LAMC1: variants seen among roughly 807,000 people sequenced by gnomAD.
The protein encoded by LAMC1 is laminin subunit gamma-1.
A neutral mutation model predicts 173.6 loss-of-function variants in LAMC1; 38 were observed. That is an observed-to-expected ratio of 0.22 (90% CI 0.17 to 0.29). The LOEUF is 0.29. Among genes scored for constraint, LAMC1 ranks in the 10% least tolerant of loss-of-function variants. The pLI, the probability that LAMC1 is intolerant of heterozygous loss-of-function variation, is 1.00. For synonymous variants in LAMC1, 746 were observed against 749.1 expected (o/e 1.00, Z 0.07); for missense variants, 1,824 against 2,051.8 (o/e 0.89, Z 2.14).
intron 1 of LAMC1, among the ~76,000 whole-genome samples, chr1:183,038,725 A>G (rs893523484): frequency 1.3e-5 from 2 of 152,152 alleles, no homozygotes; most frequent in Non-Finnish European, 2.9e-5. Context: ...TGCTGCCCAC[A>G]TGTTCTCAAA....
chr1:183,129,840 A>C (rs915962642), intron 18 of LAMC1, among the ~76,000 whole-genome samples: 1 of 152,170 alleles, frequency 6.6e-6, no homozygotes, highest in Admixed American at 6.5e-5. Flanking sequence ...ATGCTGGCAC[A>C]TGGGGGTGGC....
intron 11 of LAMC1, among the ~76,000 whole-genome samples, chr1:183,119,194 G>T (rs1656402922): frequency 6.6e-6 from 1 of 152,054 alleles, no homozygotes; most frequent in African/African-American, 2.4e-5. Context: ...CCTGCACCCG[G>T]TCAAAATTTT....
At chr1:183,109,923 T>C (rs1420752007) in intron 3 of LAMC1, among the ~76,000 whole-genome samples, 1 of 152,224 alleles carries the variant, frequency 6.6e-6, no homozygotes, top group Non-Finnish European at 1.5e-5. Context: ...AGGTATCTAA[T>C]GTGTCTCACC....
rs143997813 is a variant in LAMC1, at chr1:183,031,658, T to C, written c.418+7524T>C. Among the ~76,000 whole-genome samples, 781 of 152,320 alleles carry C rather than the reference T, an allele frequency of 5.1e-3. 6 individuals are homozygous for C. Among genetic ancestry groups the C allele is most frequent in the Middle Eastern group, 0.027 (8 of 294 alleles). ...TGGACTTTATTGACAGCTGTACCAC[T>C]GTTCTGTTTGGGTTTTAGGGAAAGG... On this transcript the variant is annotated intron_variant, in intron 1 of 27. Coordinates refer to ENST00000258341, the MANE Select transcript of LAMC1 (RefSeq NM_002293.4).
chr1:183,036,100 T>C (rs1175606801), intron 1 of LAMC1, among the ~76,000 whole-genome samples: 4 of 65,326 alleles, frequency 6.1e-5, no homozygotes, highest in Non-Finnish European at 4.3e-5. Flanking sequence ...TGAATTCTTT[T>C]TTTTTTTTTT....
intron 1 of LAMC1, among the ~76,000 whole-genome samples, chr1:183,074,358 G>C (rs895741267): frequency 1.1e-4 from 16 of 152,178 alleles, no homozygotes; most frequent in Non-Finnish European, 2.2e-4. Flanking sequence ...AATAAGTGCT[G>C]TTATCTAAAA....
intron 1 of LAMC1, among the ~76,000 whole-genome samples, chr1:183,058,159 A>C (rs1042852721): frequency 1.3e-5 from 2 of 152,230 alleles, no homozygotes; most frequent in Non-Finnish European, 2.9e-5. Flanking sequence ...TTCTAAATGT[A>C]GTAAGTTCTT....
intron 11 of LAMC1, among the ~76,000 whole-genome samples, chr1:183,118,879 G>A (rs1656392860): frequency 6.6e-6 from 1 of 151,802 alleles, no homozygotes; most frequent in African/African-American, 2.4e-5. Context: ...TATAATTTTT[G>A]GTGAACAAGA....
chr1:183,133,482 G>A lies in LAMC1; in HGVS notation c.3781G>A (p.Gly1261Ser), dbSNP rs776067290. The change falls in exon 22 of 28, where the codon GGT (glycine) becomes AGT (serine). Residue 1261 changes from glycine (G) to serine (S), a missense_variant. Gly to Ser is a moderately conservative substitution (Grantham distance 56). Transcript: ENST00000258341. ...AGTACATGAGGAGGCCAAAAGGGCC[G>A]GTGACAAAGCTGTGGAGATCTATGC... Reference protein sequence around the residue: ...ARVHEEAKRAGDKAVEIYASV... With the variant: ...ARVHEEAKRASDKAVEIYASV... The A allele has an allele frequency of 1.5e-5, 24 of 1,613,960 alleles. No individual in the cohort carries two copies. The highest frequency in any genetic ancestry group is 1.1e-4 in the African/African-American group (8 of 74,910).
intron 1 of LAMC1, among the ~76,000 whole-genome samples, chr1:183,030,476 T>C (rs1405431161): frequency 6.6e-6 from 1 of 152,236 alleles, no homozygotes; most frequent in Non-Finnish European, 1.5e-5. Flanking sequence ...GCCTGAATTA[T>C]AAAACTCCCA....
chr1:183,123,973 G>A (rs1002273622), intron 13 of LAMC1, among the ~76,000 whole-genome samples: 1 of 152,220 alleles, frequency 6.6e-6, no homozygotes, highest in Non-Finnish European at 1.5e-5. Flanking sequence ...GGAAGGATGA[G>A]GAGCAGTGAG....
chr1:183,034,493 G>A (rs915575473), intron 1 of LAMC1, among the ~76,000 whole-genome samples: 3 of 152,068 alleles, frequency 2.0e-5, no homozygotes, highest in Admixed American at 6.5e-5. Context: ...GGCTTGTCTC[G>A]AACTCCTGAC....
In LAMC1 at chr1:183,130,373, C is replaced by T; in HGVS notation, c.3310C>T (p.Gln1104Ter). The change falls in exon 19 of 28, where the codon CAG (glutamine) becomes TAG (stop). Residue 1104 changes from glutamine to a stop codon, truncating the protein, a stop_gained. Coordinates refer to ENST00000258341, the MANE Select transcript of LAMC1 (RefSeq NM_002293.4). LOFTEE classifies it high-confidence loss of function. ...TGACCAGAATTTGATGGATCGCCTA[C>T]AGAGAGTGAATAACACTCTGTCCAG... ...DVDQNLMDRLQRVNNTLSSQI... is the reference protein window; with the variant it reads ...DVDQNLMDRL 1.2e-6 allele frequency: 2 copies of T among 1,614,076 alleles called. No homozygotes were observed. Among genetic ancestry groups the T allele is most frequent in the Non-Finnish European group, 1.7e-6 (2 of 1,179,914 alleles).
chr1:183,076,717 T>C (rs1655127804), intron 1 of LAMC1, among the ~76,000 whole-genome samples: 1 of 152,264 alleles, frequency 6.6e-6, no homozygotes, highest in South Asian at 2.1e-4. Context: ...TTTCCTTCTT[T>C]TCTGCCATTT....
At chr1:183,134,165 G>T (rs1232291686) in intron 22 of LAMC1, among the ~76,000 whole-genome samples, 2 of 151,674 alleles carry the variant, frequency 1.3e-5, no homozygotes, top group Non-Finnish European at 2.9e-5. Context: ...TATTTTTTTT[G>T]CATTAAGCTT....
chr1:183,043,584 TTGAG>T (rs1447945267), intron 1 of LAMC1, among the ~76,000 whole-genome samples: 2 of 152,180 alleles, frequency 1.3e-5, no homozygotes, highest in Admixed American at 6.5e-5. Flanking sequence ...TTCTAACAAT[TTGAG>T]TGAATGGATT....
At chr1:183,026,775 T>A (rs1653698605) in intron 1 of LAMC1, among the ~76,000 whole-genome samples, 1 of 141,354 alleles carries the variant, frequency 7.1e-6, no homozygotes, top group Non-Finnish European at 1.6e-5. Context: ...CAGTAAACTT[T>A]AAAATAAGCA....
rs532118065 is a variant in LAMC1, at chr1:183,143,191, T to C, written c.*401T>C. ...CTCAGTCTCAGTACTCTTGTTTCTA[T>C]GAAGGAAAAGTTTGGCTACTAACAG... On this transcript the variant is annotated 3_prime_UTR_variant, in exon 28 of 28. Coordinates refer to ENST00000258341, the MANE Select transcript of LAMC1 (RefSeq NM_002293.4). 7.3e-5 allele frequency: 12 copies of C among 165,284 alleles called. No individual in the cohort carries two copies. The highest frequency in any genetic ancestry group is 1.6e-4 in the South Asian group (1 of 6,178). The allele number at this position is 165,284 out of a possible 1,614,324, so 10.2% of individuals were successfully genotyped here. A position where few individuals can be genotyped will look rare whatever the true frequency, so the allele number is the denominator to read the frequency against.
intron 1 of LAMC1, among the ~76,000 whole-genome samples, chr1:183,045,087 G>C (rs6660013): frequency 0.048 from 7,198 of 150,986 alleles, 359 homozygotes; most frequent in African/African-American, 0.13. Context: ...TAATTACCAA[G>C]TGCTCACCAG....
Sources: allele counts gnomAD v4.1 joint callset (sites outside exome capture counted in the v4.1 genomes callset), GRCh38; gene constraint gnomAD v4.1.1; transcripts MANE v1.5; gene names NCBI Gene and HGNC (gene_info 2026-07-23, HGNC 2026-07-21).